The following PCDHA6 variants were observed in gnomAD, a reference collection of about 807,000 sequenced individuals.
PCDHA6 encodes protocadherin alpha-6.
In PCDHA6, 55 loss-of-function variants were observed where a neutral mutation model predicts 60.3. The observed-to-expected ratio is 0.91, with a 90% CI of 0.73 to 1.14. The LOEUF (loss-of-function observed/expected upper bound fraction) is 1.14. Ranked by LOEUF, PCDHA6 falls within the 50% of genes most tolerant of loss-of-function variation. The probability of loss-of-function intolerance (pLI) is 0.00; values close to 1 mark genes in which losing one functional copy is unlikely to be tolerated. For missense variants in PCDHA6, 1,327 were observed against 1,256.5 expected (o/e 1.06, Z -0.85); for synonymous variants, 652 against 557.9 (o/e 1.17, Z -2.38).
intron 1 of PCDHA6, chr5:140,871,356 G>A (rs368141967): frequency 1.0e-4 from 163 of 1,614,090 alleles, no homozygotes; most frequent in Non-Finnish European, 1.3e-4. Context: ...CATACTCGCA[G>A]CAGAGGCGGC....
chr5:140,979,175 AAT>A, intron 2 of PCDHA6, 168 bp downstream of exon 2: 3 of 951,630 alleles, frequency 3.2e-6, no homozygotes, highest in Non-Finnish European at 3.8e-6. Flanking sequence ...AAAGATCGCA[AAT>A]GGTCAGTGCC....
intron 1 of PCDHA6, among the ~76,000 whole-genome samples, chr5:140,885,974 T>C (rs2060795303): frequency 6.6e-6 from 1 of 152,200 alleles, no homozygotes; most frequent in Admixed American, 6.5e-5. Flanking sequence ...GAGATAATTA[T>C]AGATTCGCAT....
At chr5:140,842,485 C>G (rs2150337249) in intron 1 of PCDHA6, 1 of 1,613,908 alleles carries the variant, frequency 6.2e-7, no homozygotes, top group Non-Finnish European at 8.5e-7. Flanking sequence ...TGACCTGCTC[C>G]CTGATGCCCC....
rs2098416866 is a variant in PCDHA6, at chr5:141,010,297, G to C, written c.*360G>C. 3 of 1,549,050 alleles carry C rather than the reference G, an allele frequency of 1.9e-6. No individual in the cohort carries two copies. The South Asian group carries it at 3.6e-5, about 19-fold the overall frequency. On this transcript the variant is annotated 3_prime_UTR_variant, in exon 4 of 4. Transcript: ENST00000529310. ...TGTCTTGATGACACTTGCAGGGCAGGCTGAAAAGTTTTGAGATTGAGCAGC... is the reference window on the plus strand; with the variant it reads ...TGTCTTGATGACACTTGCAGGGCAGCCTGAAAAGTTTTGAGATTGAGCAGC...
intron 1 of PCDHA6, chr5:140,883,651 G>A (rs782597421): frequency 1.9e-6 from 3 of 1,613,652 alleles, no homozygotes; most frequent in Middle Eastern, 1.7e-4. Flanking sequence ...CCGAGTACAC[G>A]GTGTTCGTGA....
At chr5:140,983,138 G>C (rs1217034245) in intron 3 of PCDHA6, among the ~76,000 whole-genome samples, 1 of 152,170 alleles carries the variant, frequency 6.6e-6, no homozygotes, top group Non-Finnish European at 1.5e-5. Flanking sequence ...CTGACTTTTA[G>C]TGCCTTGGCA....
chr5:140,946,828 G>A (rs246052), intron 1 of PCDHA6, among the ~76,000 whole-genome samples: 84,737 of 150,610 alleles, frequency 0.56, 24,429 homozygotes, highest in African/African-American at 0.69. Context: ...CCAGAGATGG[G>A]TAGGGCAGTA....
intron 1 of PCDHA6, among the ~76,000 whole-genome samples, chr5:140,941,368 G>A (rs2093051755): frequency 7.3e-6 from 1 of 136,646 alleles, no homozygotes; most frequent in Non-Finnish European, 1.5e-5. Context: ...CTAGGCTGGA[G>A]TGTAGTGACA....
intron 1 of PCDHA6, among the ~76,000 whole-genome samples, chr5:140,946,757 C>T (rs1179265601): frequency 6.6e-6 from 1 of 151,268 alleles, no homozygotes; most frequent in Non-Finnish European, 1.5e-5. Context: ...ACTGCATGAT[C>T]TCATTCATGT....
At chr5:140,902,709 TC>T (rs1248555909) in intron 1 of PCDHA6, among the ~76,000 whole-genome samples, 11 of 152,060 alleles carry the variant, frequency 7.2e-5, no homozygotes, top group Admixed American at 4.6e-4. Flanking sequence ...TATCTTTCAC[TC>T]CCCTCCCACC....
chr5:140,877,032 G>A (rs2056800154), intron 1 of PCDHA6: 1 of 1,612,266 alleles, frequency 6.2e-7, no homozygotes, highest in African/African-American at 1.3e-5. Flanking sequence ...TGTACGCGCT[G>A]CAGCCGCTAG....
rs2098417673 is a variant in PCDHA6, at chr5:141,010,569, T to C, written c.*632T>C. ...AAAACTACCCCCACTGACAAGGCTT[T>C]AGGAGACCCTAAAGTCTGTTGGCTG... On this transcript the variant is annotated 3_prime_UTR_variant, in exon 4 of 4. Transcript: ENST00000529310. 1.4e-5 allele frequency: 4 copies of C among 283,140 alleles called. No individual in the cohort carries two copies. The South Asian group carries it at 2.4e-4, about 17-fold the overall frequency. The allele number at this position is 283,140 out of a possible 1,614,324, so 17.5% of individuals were successfully genotyped here.
At chr5:140,996,275 C>T (rs534624070) in intron 3 of PCDHA6, among the ~76,000 whole-genome samples, 43 of 152,224 alleles carry the variant, frequency 2.8e-4, no homozygotes, top group African/African-American at 8.7e-4. Flanking sequence ...GGGATTGCTG[C>T]CAAATTTCAA....
At chr5:140,893,984 AT>A (rs1305613741) in intron 1 of PCDHA6, among the ~76,000 whole-genome samples, 1 of 152,200 alleles carries the variant, frequency 6.6e-6, no homozygotes, top group South Asian at 2.1e-4. Context: ...TAATTTTAAA[AT>A]ATCTCCAATT....
At chr5:140,850,521 C>T (rs2041655366) in intron 1 of PCDHA6, 2 of 1,598,110 alleles carry the variant, frequency 1.3e-6, no homozygotes, top group Admixed American at 3.4e-5. Context: ...CGGCCAGGCG[C>T]CAAAGTCATC....
rs782023174 is a variant in PCDHA6 at position 140,870,968 on chromosome 5, G to A, written c.2394+40483G>A. 39 of 1,613,492 alleles carry A rather than the reference G, an allele frequency of 2.4e-5. No homozygotes were observed. Among genetic ancestry groups the A allele is most frequent in the Admixed American group, 2.2e-4 (13 of 59,998 alleles). ...GCGGGCGGCTCGCGCATCCCGTTCC[G>A]CGTGGGGCTGTACACGGGCGAGATA... On this transcript the variant is annotated intron_variant, in intron 1 of 3. Transcript: ENST00000529310.
chr5:140,853,830 G>A lies in PCDHA6; in HGVS notation c.2394+23345G>A, dbSNP rs1424828776. 1.9e-5 allele frequency: 19 copies of A among 986,508 alleles called. 1 individual carries two copies. The highest frequency in any genetic ancestry group is 2.2e-5 in the Non-Finnish European group (18 of 818,674). The allele number at this position is 986,508 out of a possible 1,614,324, so 61.1% of individuals were successfully genotyped here. On this transcript the variant is annotated intron_variant, in intron 1 of 3. Coordinates refer to ENST00000529310, the MANE Select transcript of PCDHA6 (RefSeq NM_018909.4). The stretch of plus-strand genomic sequence containing the variant: ...CACCTGAGATGATTCTCATACAACC[G>A]AAATTTTAGATCCATAGCCCTATTT...
rs782258990 is a variant in PCDHA6 at position 140,870,453 on chromosome 5, T to C, written c.2394+39968T>C. ...TGGAGGTGGCCGACGTGAACGACAATGCGCCTGCGTTCGCACAGCCCGAGT... is the reference window on the plus strand; with the variant it reads ...TGGAGGTGGCCGACGTGAACGACAACGCGCCTGCGTTCGCACAGCCCGAGT... On this transcript the variant is annotated intron_variant, in intron 1 of 3. Coordinates refer to ENST00000529310, the MANE Select transcript of PCDHA6 (RefSeq NM_018909.4). 10 of 1,614,138 alleles carry C rather than the reference T, an allele frequency of 6.2e-6. No homozygotes were observed. The Admixed American group carries it at 6.7e-5, about 11-fold the overall frequency.
intron 1 of PCDHA6, among the ~76,000 whole-genome samples, chr5:140,904,764 A>G (rs1354356510): frequency 2.0e-5 from 3 of 152,240 alleles, no homozygotes; most frequent in African/African-American, 4.8e-5. Context: ...CAAGAATAAG[A>G]TGGTATCACA....
Sources: gnomAD v4.1 joint callset for allele counts (sites outside exome capture counted in the v4.1 genomes callset) on GRCh38, gnomAD v4.1.1 for gene constraint, MANE v1.5 for transcripts, NCBI Gene and HGNC (gene_info 2026-07-23, HGNC 2026-07-21) for gene names.